CFHR5: variants seen among roughly 807,000 people sequenced by gnomAD.
CFHR5 encodes complement factor H-related protein 5.
In CFHR5, 73 loss-of-function variants were observed where a neutral mutation model predicts 62.9. The ratio of observed to expected loss-of-function variants is 1.16; its 90% confidence interval spans 0.96 to 1.41. The LOEUF (loss-of-function observed/expected upper bound fraction) is 1.41, where lower values mean the gene tolerates loss of function less well. Ranked by LOEUF, CFHR5 falls within the 40% of genes most tolerant of loss-of-function variation. CFHR5 has a pLI of 0.00. For synonymous variants in CFHR5, 249 were observed against 227.2 expected (o/e 1.10, Z -0.86); for missense variants, 779 against 679.9 (o/e 1.15, Z -1.62).
In CFHR5 at chr1:196,995,730, A is replaced by G. The variant is rs1490139459; in HGVS notation, c.621A>G (p.Ser207=). The stretch of plus-strand genomic sequence containing the variant: ...TCTTTATAATAGGACAAGTACGATC[A>G]TGTGGTCCACCTCCTCAACTCTCCA... ...NFPTCKGQVR[S]CGPPPQLSNG... The change falls in exon 5 of 10, where the codon TCA becomes TCG. Residue 207 remains serine (S), a synonymous_variant. Transcript: ENST00000256785. 6.2e-6 allele frequency: 10 copies of G among 1,612,980 alleles called. No homozygotes were observed. Among genetic ancestry groups the G allele is most frequent in the Middle Eastern group, 3.3e-4 (2 of 6,052 alleles).
upstream of CFHR5, among the ~76,000 whole-genome samples, chr1:196,975,857 T>G (rs1224617581): frequency 6.6e-6 from 1 of 152,150 alleles, no homozygotes; most frequent in African/African-American, 2.4e-5. Flanking sequence ...TGAGGTTTTC[T>G]AAGACTTGGA....
At chr1:196,982,395 G>A (rs566875849) in intron 1 of CFHR5, among the ~76,000 whole-genome samples, 1 of 152,190 alleles carries the variant, frequency 6.6e-6, no homozygotes, top group African/African-American at 2.4e-5. Context: ...TCGTCGGTCC[G>A]GCATGGTGGT....
intron 3 of CFHR5, among the ~76,000 whole-genome samples, chr1:196,987,808 C>T (rs1653734495): frequency 6.6e-6 from 1 of 152,156 alleles, no homozygotes; most frequent in African/African-American, 2.4e-5. Flanking sequence ...AGCCTGATGC[C>T]TCCAGCTTTG....
intron 3 of CFHR5, among the ~76,000 whole-genome samples, chr1:196,990,033 G>A (rs966790303): frequency 1.3e-5 from 2 of 152,084 alleles, no homozygotes; most frequent in Admixed American, 6.6e-5. Context: ...CTAAGGACTG[G>A]CTTTATTAAT....
chr1:197,006,011 A>G (rs1654278958), intron 9 of CFHR5, among the ~76,000 whole-genome samples: 1 of 152,204 alleles, frequency 6.6e-6, no homozygotes, highest in Non-Finnish European at 1.5e-5. Context: ...GGTTTCAAAG[A>G]TAACTTCTAG....
chr1:196,992,387 C>A (rs1262722894), intron 3 of CFHR5, among the ~76,000 whole-genome samples: 2 of 151,904 alleles, frequency 1.3e-5, no homozygotes, highest in Admixed American at 6.6e-5. Flanking sequence ...TGGAAAAGTG[C>A]AGTATTTGTG....
At chr1:196,981,724 A>G (rs924890726) in intron 1 of CFHR5, among the ~76,000 whole-genome samples, 3 of 152,012 alleles carry the variant, frequency 2.0e-5, no homozygotes, top group African/African-American at 7.2e-5. Flanking sequence ...CAGATGCTCA[A>G]GTCTCTAAGA....
At chr1:196,987,769 T>G (rs970561471) in intron 3 of CFHR5, among the ~76,000 whole-genome samples, 1 of 152,208 alleles carries the variant, frequency 6.6e-6, no homozygotes, top group Non-Finnish European at 1.5e-5. Flanking sequence ...ACTTGTAGTA[T>G]AGCCTTGTAG....
At chr1:197,005,376 C>T (rs916988045) in intron 9 of CFHR5, among the ~76,000 whole-genome samples, 3 of 152,042 alleles carry the variant, frequency 2.0e-5, no homozygotes, top group Admixed American at 6.5e-5. Flanking sequence ...TTCACTATCC[C>T]TTCTTTTCAC....
chr1:196,989,996 C>T (rs761808619), intron 3 of CFHR5, among the ~76,000 whole-genome samples: 7 of 152,000 alleles, frequency 4.6e-5, no homozygotes, highest in Admixed American at 2.0e-4. Context: ...TATTATTGTG[C>T]AGGAGTCTAA....
upstream of CFHR5, among the ~76,000 whole-genome samples, chr1:196,977,149 T>C (rs1400190099): frequency 6.6e-6 from 1 of 152,040 alleles, no homozygotes; most frequent in Non-Finnish European, 1.5e-5. Context: ...GTTTATGAAA[T>C]ATTAAAACTG....
In CFHR5 at chr1:196,982,875, T is replaced by A; in HGVS notation, c.59-10T>A. On this transcript the variant is annotated splice_polypyrimidine_tract_variant and intron_variant, in intron 1 of 9. Transcript: ENST00000256785. ...TATTTAATTCTTCAGTTTTGTGTTA[T>A]TTTTCCCAGGAACACTTTGTGATTT... The A allele has an allele frequency of 6.2e-7, 1 of 1,611,000 alleles. No homozygotes were observed. Among genetic ancestry groups the A allele is most frequent in the Non-Finnish European group, 8.5e-7 (1 of 1,177,308 alleles).
chr1:196,994,851 G>C (rs111822146), intron 4 of CFHR5, among the ~76,000 whole-genome samples: 1 of 151,932 alleles, frequency 6.6e-6, no homozygotes, highest in Admixed American at 6.6e-5. Context: ...GGCACATCTC[G>C]AATGATGGCA....
intron 5 of CFHR5, 56 bp from the exon 6 acceptor site, chr1:196,995,966 G>A (rs558594368): frequency 7.3e-5 from 116 of 1,595,344 alleles, no homozygotes; most frequent in Non-Finnish European, 8.9e-5. Context: ...AAATACACAT[G>A]TAAACAGATT....
chr1:197,002,506 C>A lies in CFHR5; in HGVS notation c.1172C>A (p.Pro391Gln). ...CTEKREQFCP[P>Q]PPQIPNAQNM... ...GAAAAAAGGGAACAATTCTGCCCAC[C>A]GCCACCTCAGATACCTAATGCTCAG... Residue 391 changes from proline to glutamine, a missense_variant, in exon 8 of 10, where the codon CCG (proline) becomes CAG (glutamine). Transcript: ENST00000256785. 1 of 1,613,128 alleles carries A rather than the reference C, an allele frequency of 6.2e-7. No individual in the cohort carries two copies. Among genetic ancestry groups the A allele is most frequent in the Non-Finnish European group, 8.5e-7 (1 of 1,179,536 alleles).
chr1:197,002,676 A>G lies in CFHR5; in HGVS notation c.1330+12A>G. 12 of 1,603,516 alleles carry G rather than the reference A, an allele frequency of 7.5e-6. No homozygotes were observed. The highest frequency in any genetic ancestry group is 1.0e-5 in the Non-Finnish European group (12 of 1,170,960). On this transcript the variant is annotated intron_variant, in intron 8 of 9. Transcript: ENST00000256785. The stretch of plus-strand genomic sequence containing the variant: ...ACCACGCTGTGTTGGTTAGTAGTTT[A>G]TTTCTAAGTAATTTCACTTAAAAAG...
intron 4 of CFHR5, 39 bp downstream of exon 4, chr1:196,994,295 A>C (rs772108485): frequency 1.4e-6 from 2 of 1,477,070 alleles, no homozygotes; most frequent in Non-Finnish European, 1.9e-6. Flanking sequence ...CAAGAATTTG[A>C]TTTTTATAAT....
At position 197,002,594 on chromosome 1, in the gene CFHR5, C is replaced by G; in HGVS notation, c.1260C>G (p.Asn420Lys). The change falls in exon 8 of 10, where the codon AAC becomes AAG. Residue 420 changes from asparagine to lysine, a missense_variant. Coordinates refer to ENST00000256785, the MANE Select transcript of CFHR5 (RefSeq NM_030787.4). ...AAGTAGCTGTTCTCTGTAAAGAAAACTATCTACTTCCAGAAGCAAAAGAAA... is the reference window on the plus strand; with the variant it reads ...AAGTAGCTGTTCTCTGTAAAGAAAAGTATCTACTTCCAGAAGCAAAAGAAA... ...GEKVAVLCKE[N>K]YLLPEAKEIV... The G allele has an allele frequency of 6.2e-7, 1 of 1,613,176 alleles. No homozygotes were observed. The highest frequency in any genetic ancestry group is 8.5e-7 in the Non-Finnish European group (1 of 1,179,320).
intron 2 of CFHR5, 35 bp downstream of exon 2, chr1:196,983,114 T>A: frequency 6.2e-7 from 1 of 1,611,742 alleles, no homozygotes; most frequent in Non-Finnish European, 8.5e-7. Flanking sequence ...ATGGATGTCA[T>A]TCAGTGAATA....
Sources: gnomAD v4.1 joint callset for allele counts (sites outside exome capture counted in the v4.1 genomes callset) on GRCh38, gnomAD v4.1.1 for gene constraint, MANE v1.5 for transcripts, NCBI Gene and HGNC (gene_info 2026-07-23, HGNC 2026-07-21) for gene names.